The following SBF2 variants were observed in gnomAD, a reference collection of about 807,000 sequenced individuals.
The protein encoded by SBF2 is SET binding factor 2.
A neutral mutation model predicts 225.2 loss-of-function variants in SBF2; 112 were observed. The observed-to-expected ratio is 0.50, with a 90% CI of 0.43 to 0.58. The LOEUF is 0.58. Ranked by LOEUF, SBF2 falls within the 20% of genes least tolerant of loss-of-function variation. The probability of loss-of-function intolerance (pLI) is 0.00; values close to 1 mark genes in which losing one functional copy is unlikely to be tolerated. For missense variants in SBF2, 1,996 were observed against 2,206.2 expected, an observed-to-expected ratio of 0.90 and a Z score of 1.91; for synonymous variants, 763 against 773.3, an observed-to-expected ratio of 0.99 and a Z score of 0.22.
At position 9,963,789 on chromosome 11, in the gene SBF2, A is replaced by AT; in HGVS notation, c.1693dup (p.Ile565AsnfsTer5). On this transcript the variant is annotated frameshift_variant, in exon 15 of 40. Coordinates refer to ENST00000256190, the MANE Select transcript of SBF2 (RefSeq NM_030962.4). LOFTEE classifies it high-confidence loss of function. ...TTTTATTACCTTTTCAGTTTCCAAA[A>AT]TTTTATTTTCAAATATGAATGAGAT... is the stretch of plus-strand genomic sequence containing the variant. 6.3e-7 allele frequency: 1 copy of AT among 1,578,642 alleles called. No homozygotes were observed. The highest frequency in any genetic ancestry group is 8.7e-7 in the Non-Finnish European group (1 of 1,150,638).
At chr11:10,172,748 C>A (rs576984200) in intron 2 of SBF2, among the ~76,000 whole-genome samples, 1 of 152,060 alleles carries the variant, frequency 6.6e-6, no homozygotes, top group Admixed American at 6.5e-5. Flanking sequence ...CTCACTGTAA[C>A]CTCTGCCTCC....
intron 14 of SBF2, among the ~76,000 whole-genome samples, chr11:9,967,855 C>T (rs1038826503): frequency 1.1e-4 from 17 of 151,648 alleles, no homozygotes; most frequent in Admixed American, 3.9e-4. Flanking sequence ...GCAGAAGTTA[C>T]GGTGAGCCGA....
chr11:10,170,998 C>A (rs1452866508), intron 2 of SBF2, among the ~76,000 whole-genome samples: 1 of 151,956 alleles, frequency 6.6e-6, no homozygotes, highest in Non-Finnish European at 1.5e-5. Context: ...TTGTATCCTG[C>A]AGATTTATTC....
intron 2 of SBF2, among the ~76,000 whole-genome samples, chr11:10,184,640 C>T (rs1035887085): frequency 1.3e-5 from 2 of 152,160 alleles, no homozygotes; most frequent in African/African-American, 4.8e-5. Flanking sequence ...CCCTGGCAAC[C>T]ACCATTCTAC....
intron 36 of SBF2, among the ~76,000 whole-genome samples, chr11:9,786,141 A>G (rs931192224): frequency 7.9e-5 from 12 of 152,248 alleles, no homozygotes; most frequent in Admixed American, 7.2e-4. Context: ...GATTACAGGC[A>G]TGAGCCACTG....
intron 26 of SBF2, chr11:9,838,226 T>G (rs1855864127): frequency 6.6e-6 from 1 of 152,160 alleles, no homozygotes; most frequent in African/African-American, 2.4e-5. Flanking sequence ...GGATTATTTT[T>G]TATTATTCCA....
chr11:10,085,582 C>A (rs922860882), intron 2 of SBF2, among the ~76,000 whole-genome samples: 1 of 151,908 alleles, frequency 6.6e-6, no homozygotes, highest in African/African-American at 2.4e-5. Flanking sequence ...CTGCATTTGT[C>A]TTTTTGAACA....
At chr11:10,263,859 A>G (rs781174088) in intron 1 of SBF2, among the ~76,000 whole-genome samples, 5 of 152,254 alleles carry the variant, frequency 3.3e-5, no homozygotes, top group Non-Finnish European at 5.9e-5. Context: ...CTTAAAAACG[A>G]AAAAACAACA....
intron 6 of SBF2, among the ~76,000 whole-genome samples, chr11:10,027,914 C>G (rs188167647): frequency 3.3e-5 from 5 of 152,100 alleles, no homozygotes; most frequent in Non-Finnish European, 7.4e-5. Context: ...ATCATCTATT[C>G]ATCTTTTAGC....
At chr11:10,167,133 CCTT>C (rs1190433964) in intron 2 of SBF2, among the ~76,000 whole-genome samples, 6 of 152,114 alleles carry the variant, frequency 3.9e-5, no homozygotes, top group East Asian at 3.8e-4. Context: ...TTTTCTCTGT[CCTT>C]CTATAAAATA....
At position 9,846,983 on chromosome 11, in the gene SBF2, T is replaced by C. The variant is rs1057523299; in HGVS notation, c.2907A>G (p.Gly969=). ...QNQLQQNMQE[G]LQITSASFQL... ...GAAAAGATGCTGATGTGATCTGCAG[T>C]CCTTCTTGCATGTTCTGCTGTAGCT... is the stretch of plus-strand genomic sequence containing the variant. Residue 969 remains glycine, a synonymous_variant, in exon 23 of 40, where the codon GGA becomes GGG. Coordinates refer to ENST00000256190, the MANE Select transcript of SBF2 (RefSeq NM_030962.4). 1.2e-6 allele frequency: 2 copies of C among 1,613,870 alleles called. No homozygotes were observed. Among genetic ancestry groups the C allele is most frequent in the Admixed American group, 1.7e-5 (1 of 60,000 alleles).
chr11:9,870,026 G>A (rs1485379761), intron 17 of SBF2, among the ~76,000 whole-genome samples: 2 of 152,132 alleles, frequency 1.3e-5, no homozygotes, highest in African/African-American at 4.8e-5. Flanking sequence ...AAAAATCAAT[G>A]TGCAAAAATC....
At chr11:10,143,595 T>C (rs1041315018) in intron 2 of SBF2, among the ~76,000 whole-genome samples, 3 of 152,230 alleles carry the variant, frequency 2.0e-5, no homozygotes, top group Non-Finnish European at 4.4e-5. Context: ...AATTCTGGGT[T>C]CATAAATTGG....
At chr11:9,980,641 C>T (rs1359197826) in intron 13 of SBF2, among the ~76,000 whole-genome samples, 1 of 151,494 alleles carries the variant, frequency 6.6e-6, no homozygotes, top group Admixed American at 6.6e-5. Context: ...GGCTGGAGTG[C>T]AGTGGCGAGA....
chr11:9,976,659 AG>A (rs1946696815), intron 13 of SBF2, among the ~76,000 whole-genome samples: 1 of 152,242 alleles, frequency 6.6e-6, no homozygotes, highest in Non-Finnish European at 1.5e-5. Context: ...TTACATATCT[AG>A]CAAATATTTT....
At chr11:9,978,511 T>A (rs1248022258) in intron 13 of SBF2, among the ~76,000 whole-genome samples, 1 of 152,362 alleles carries the variant, frequency 6.6e-6, no homozygotes, top group African/African-American at 2.4e-5. Flanking sequence ...CTATGAAATG[T>A]AGAAGACATT....
At chr11:9,993,153 T>C (rs1489111392) in intron 10 of SBF2, 50 bp from the exon 11 acceptor site, 1 of 1,374,602 alleles carries the variant, frequency 7.3e-7, no homozygotes, top group African/African-American at 1.4e-5. Flanking sequence ...TAAAAACAAA[T>C]GAAATATCAA....
At chr11:9,993,175 G>A in intron 10 of SBF2, 72 bp from the exon 11 acceptor site, 1 of 1,094,232 alleles carries the variant, frequency 9.1e-7, no homozygotes, top group East Asian at 2.4e-5. Flanking sequence ...TCAAAAAGGT[G>A]AAAAGGGCAT....
At chr11:10,068,507 T>G (rs548241328) in intron 2 of SBF2, among the ~76,000 whole-genome samples, 47 of 152,312 alleles carry the variant, frequency 3.1e-4, no homozygotes, top group African/African-American at 9.9e-4. Context: ...ATAAAAGACA[T>G]ATTCAAATTT....
Sources: allele counts gnomAD v4.1 joint callset (sites outside exome capture counted in the v4.1 genomes callset), GRCh38; gene constraint gnomAD v4.1.1; transcripts MANE v1.5; gene names NCBI Gene and HGNC (gene_info 2026-07-23, HGNC 2026-07-21).